Variants in FAM227B observed in about 807,000 individuals in gnomAD.
The protein encoded by FAM227B is family with sequence similarity 227 member B, also known as protein FAM227B.
In FAM227B, 88 loss-of-function variants were observed where a neutral mutation model predicts 73.8. That is an observed-to-expected ratio of 1.19 (90% CI 1.00 to 1.42). The LOEUF is 1.42. Among genes scored for constraint, FAM227B ranks in the 40% most tolerant of loss-of-function variants. The pLI is 0.00. For missense variants in FAM227B, 632 were observed against 590.9 expected, an observed-to-expected ratio of 1.07 and a Z score of -0.72; for synonymous variants, 210 against 190.5, an observed-to-expected ratio of 1.10 and a Z score of -0.84.
At chr15:49,454,744 G>A (rs976748954) in intron 11 of FAM227B, among the ~76,000 whole-genome samples, 6 of 152,098 alleles carry the variant, frequency 3.9e-5, no homozygotes, top group Non-Finnish European at 8.8e-5. Flanking sequence ...CAAGTAGCTG[G>A]GATTATAGGC....
chr15:49,415,111 AATGAATTGAAAAT>A (rs1254926090), intron 11 of FAM227B, among the ~76,000 whole-genome samples: 1 of 152,162 alleles, frequency 6.6e-6, no homozygotes, highest in Non-Finnish European at 1.5e-5. Flanking sequence ...TTTGAAAGCT[AATGAATTGAAAAT>A]TAAGCCAGTT....
At chr15:49,470,623 CTTT>C (rs2054654694) in intron 11 of FAM227B, among the ~76,000 whole-genome samples, 1 of 152,182 alleles carries the variant, frequency 6.6e-6, no homozygotes, top group Non-Finnish European at 1.5e-5. Flanking sequence ...TCTCTAACTT[CTTT>C]TGCTTTAGCC....
intron 11 of FAM227B, among the ~76,000 whole-genome samples, chr15:49,492,261 T>C (rs952803942): frequency 2.0e-5 from 3 of 151,896 alleles, no homozygotes; most frequent in African/African-American, 7.2e-5. Flanking sequence ...ATAGAATCCA[T>C]CAGGAAAAGC....
chr15:49,551,883 T>C (rs1177261515), intron 9 of FAM227B, among the ~76,000 whole-genome samples: 1 of 152,210 alleles, frequency 6.6e-6, no homozygotes, highest in Non-Finnish European at 1.5e-5. Context: ...TGGTTTAAAT[T>C]TGTCCCCCCA....
At chr15:49,334,732 C>G (rs1350871979) in intron 14 of FAM227B, among the ~76,000 whole-genome samples, 1 of 152,140 alleles carries the variant, frequency 6.6e-6, no homozygotes, top group Non-Finnish European at 1.5e-5. Flanking sequence ...ATTTACTTCT[C>G]TTGGAGGTGC....
chr15:49,554,806 A>T (rs2073459914), intron 9 of FAM227B, among the ~76,000 whole-genome samples: 1 of 152,146 alleles, frequency 6.6e-6, no homozygotes. Flanking sequence ...TTCTGTGTAG[A>T]TAGTTGTTAA....
intron 11 of FAM227B, among the ~76,000 whole-genome samples, chr15:49,468,174 T>C (rs1199795893): frequency 6.6e-6 from 1 of 152,164 alleles, no homozygotes; most frequent in African/African-American, 2.4e-5. Context: ...AGACATGTCA[T>C]TTAAATGGTT....
intron 13 of FAM227B, among the ~76,000 whole-genome samples, chr15:49,348,927 A>C (rs1309621268): frequency 1.3e-5 from 2 of 152,190 alleles, no homozygotes; most frequent in East Asian, 1.9e-4. Flanking sequence ...ACCTATTACT[A>C]ACTCTCCAGA....
chr15:49,589,297 A>C (rs763507268), intron 4 of FAM227B, among the ~76,000 whole-genome samples: 8 of 152,054 alleles, frequency 5.3e-5, no homozygotes, highest in Non-Finnish European at 1.0e-4. Flanking sequence ...GTTTGTTTCT[A>C]GTAAGAATAT....
chr15:49,483,360 A>T, intron 11 of FAM227B: 1 of 620,916 alleles, frequency 1.6e-6, no homozygotes, highest in Non-Finnish European at 2.8e-6. Context: ...CCAACTGTAT[A>T]ATTTAATGAT....
At chr15:49,341,934 A>ATT (rs1374027982) in intron 13 of FAM227B, among the ~76,000 whole-genome samples, 3 of 152,116 alleles carry the variant, frequency 2.0e-5, no homozygotes, top group Admixed American at 2.0e-4. Context: ...ATTTATCAAA[A>ATT]CTGCTTTATG....
At chr15:49,600,632 G>A (rs1341727182) in intron 3 of FAM227B, among the ~76,000 whole-genome samples, 6 of 148,608 alleles carry the variant, frequency 4.0e-5, no homozygotes, top group Admixed American at 4.0e-4. Context: ...TCCAGCCTGG[G>A]TGACAGAGCA....
At chr15:49,521,130 A>G (rs1390829176) in intron 10 of FAM227B, among the ~76,000 whole-genome samples, 2 of 152,134 alleles carry the variant, frequency 1.3e-5, no homozygotes, top group Non-Finnish European at 2.9e-5. Context: ...CTGCTTGTAC[A>G]CTTGTTATGG....
chr15:49,515,053 A>G (rs2059286536), intron 10 of FAM227B, among the ~76,000 whole-genome samples: 1 of 152,034 alleles, frequency 6.6e-6, no homozygotes, highest in African/African-American at 2.4e-5. Context: ...ACCTTCTCAA[A>G]TATTTCTTTT....
intron 3 of FAM227B, among the ~76,000 whole-genome samples, chr15:49,591,857 G>T (rs1289074156): frequency 1.3e-5 from 2 of 152,126 alleles, no homozygotes; most frequent in African/African-American, 2.4e-5. Flanking sequence ...CAAAGAAAAT[G>T]TGTTCTATGT....
At chr15:49,516,607 T>A (rs932362309) in intron 10 of FAM227B, among the ~76,000 whole-genome samples, 1 of 151,930 alleles carries the variant, frequency 6.6e-6, no homozygotes, top group Non-Finnish European at 1.5e-5. Flanking sequence ...CAGGTTTTAA[T>A]TTTACTTTTT....
At chr15:49,493,105 T>G (rs1469330496) in intron 11 of FAM227B, among the ~76,000 whole-genome samples, 1 of 151,952 alleles carries the variant, frequency 6.6e-6, no homozygotes, top group Non-Finnish European at 1.5e-5. Flanking sequence ...CAGTCTCATC[T>G]CTTCCTCACT....
At chr15:49,585,809 T>A (rs1026851754) in intron 5 of FAM227B, among the ~76,000 whole-genome samples, 2 of 152,124 alleles carry the variant, frequency 1.3e-5, no homozygotes, top group African/African-American at 4.8e-5. Context: ...AACCTGCACA[T>A]TGTGCACATG....
chr15:49,366,541 A>G (rs966288446), intron 13 of FAM227B: 11 of 1,560,120 alleles, frequency 7.1e-6, no homozygotes, highest in Admixed American at 1.7e-5. Flanking sequence ...GAGCTGACCA[A>G]TGGGGGTTAT....
Sources: allele counts gnomAD v4.1 joint callset (sites outside exome capture counted in the v4.1 genomes callset), GRCh38; gene constraint gnomAD v4.1.1; transcripts MANE v1.5; gene names NCBI Gene and HGNC (gene_info 2026-07-23, HGNC 2026-07-21).